Variants in CACNA2D3 observed in about 807,000 individuals in gnomAD.
The protein encoded by CACNA2D3 is voltage-dependent calcium channel subunit alpha-2/delta-3.
In CACNA2D3, 60 loss-of-function variants were observed where a neutral mutation model predicts 160.6. The ratio of observed to expected loss-of-function variants is 0.37; its 90% CI spans 0.30 to 0.46. CACNA2D3 has a LOEUF of 0.46. Ranked by LOEUF, CACNA2D3 falls within the 20% of genes least tolerant of loss-of-function variation. CACNA2D3 has a pLI of 1.00. For synonymous variants in CACNA2D3, 558 were observed against 492.9 expected (o/e 1.13, Z -1.75); for missense variants, 1,205 against 1,365.0 (o/e 0.88, Z 1.85).
intron 35 of CACNA2D3, among the ~76,000 whole-genome samples, chr3:55,031,255 C>A (rs529365273): frequency 1.3e-5 from 2 of 152,182 alleles, no homozygotes; most frequent in African/African-American, 2.4e-5. Flanking sequence ...CCTCAAAGAG[C>A]AGTCTGTGTT....
intron 11 of CACNA2D3, among the ~76,000 whole-genome samples, chr3:54,717,580 G>A (rs531599587): frequency 6.8e-6 from 1 of 146,780 alleles, no homozygotes; most frequent in Non-Finnish European, 1.5e-5. Flanking sequence ...GTGTGTATGT[G>A]TGCGTGTGTG....
intron 11 of CACNA2D3, among the ~76,000 whole-genome samples, chr3:54,649,613 T>A (rs902682091): frequency 6.6e-6 from 1 of 152,208 alleles, no homozygotes; most frequent in Non-Finnish European, 1.5e-5. Flanking sequence ...AACTGCTGCC[T>A]TCTCTTGGTA....
At chr3:54,781,064 G>A (rs1349916848) in intron 13 of CACNA2D3, among the ~76,000 whole-genome samples, 5 of 152,316 alleles carry the variant, frequency 3.3e-5, no homozygotes, top group African/African-American at 1.2e-4. Flanking sequence ...TTAAACATAA[G>A]TTATTTAAGG....
At chr3:54,252,100 GTTTT>G (rs548233026) in intron 2 of CACNA2D3, among the ~76,000 whole-genome samples, 1 of 121,014 alleles carries the variant, frequency 8.3e-6, no homozygotes, top group African/African-American at 3.4e-5. Flanking sequence ...TGCAGAGCTA[GTTTT>G]TTTTTTTTTT....
chr3:54,195,709 T>C (rs374031328), intron 2 of CACNA2D3, among the ~76,000 whole-genome samples: 19 of 152,066 alleles, frequency 1.2e-4, no homozygotes, highest in Admixed American at 1.0e-3. Flanking sequence ...CTTTGGACTT[T>C]TGTGGTGCAG....
At chr3:54,236,759 A>T (rs1701885979) in intron 2 of CACNA2D3, among the ~76,000 whole-genome samples, 1 of 152,188 alleles carries the variant, frequency 6.6e-6, no homozygotes, top group Admixed American at 6.5e-5. Flanking sequence ...TGGTCAAGCC[A>T]TGCTGCCCTG....
intron 27 of CACNA2D3, among the ~76,000 whole-genome samples, chr3:54,961,280 C>T (rs1299333458): frequency 6.6e-6 from 1 of 152,114 alleles, no homozygotes; most frequent in Non-Finnish European, 1.5e-5. Flanking sequence ...TGTAAAAATA[C>T]CCAGTGCCCT....
intron 11 of CACNA2D3, among the ~76,000 whole-genome samples, chr3:54,707,277 G>T (rs1400041498): frequency 6.6e-6 from 1 of 152,198 alleles, no homozygotes; most frequent in Non-Finnish European, 1.5e-5. Context: ...GCATTTTGGA[G>T]GTCAGAAGAA....
rs1482717010 is a variant in CACNA2D3, at chr3:54,869,471, A to C, written c.1627-2068A>C. On this transcript the variant is annotated intron_variant, in intron 17 of 37. Transcript: ENST00000474759. ...TGCACTTAGTAGTAGGTATACAATA[A>C]ATGTGCATTGAATAAATGAATAAAG... 2.0e-5 allele frequency among the ~76,000 whole-genome samples: 3 copies of C among 152,350 alleles called. No individual in the cohort carries two copies. The East Asian group carries it at 5.8e-4, about 29-fold the overall frequency.
chr3:54,999,638 G>A (rs1394334173), intron 31 of CACNA2D3, among the ~76,000 whole-genome samples: 1 of 152,120 alleles, frequency 6.6e-6, no homozygotes, highest in Non-Finnish European at 1.5e-5. Context: ...AATCATTACA[G>A]GAAAATTACC....
chr3:54,771,133 G>A (rs1003335835), intron 13 of CACNA2D3, among the ~76,000 whole-genome samples: 7 of 152,136 alleles, frequency 4.6e-5, no homozygotes, highest in Non-Finnish European at 8.8e-5. Context: ...TCGGGCAGCT[G>A]TGTACTCCAA....
intron 11 of CACNA2D3, among the ~76,000 whole-genome samples, chr3:54,728,110 T>C (rs1701312281): frequency 6.6e-6 from 1 of 152,240 alleles, no homozygotes; most frequent in Non-Finnish European, 1.5e-5. Flanking sequence ...TCTTCTTGAA[T>C]CTATGGCCGG....
chr3:54,282,537 G>C (rs1000738334), intron 2 of CACNA2D3, among the ~76,000 whole-genome samples: 1 of 152,180 alleles, frequency 6.6e-6, no homozygotes, highest in African/African-American at 2.4e-5. Flanking sequence ...AAACTTAGAA[G>C]TCTTCATGTT....
intron 11 of CACNA2D3, among the ~76,000 whole-genome samples, chr3:54,675,213 G>C (rs1408773715): frequency 1.3e-5 from 2 of 152,160 alleles, no homozygotes; most frequent in Non-Finnish European, 2.9e-5. Flanking sequence ...CACTTGATAG[G>C]AATGGAGGAA....
At chr3:54,165,552 C>T (rs1559868837) in intron 2 of CACNA2D3, among the ~76,000 whole-genome samples, 1 of 147,680 alleles carries the variant, frequency 6.8e-6, no homozygotes, top group African/African-American at 2.5e-5. Context: ...AGGCTGGGCA[C>T]AGTGGCTCAT....
intron 2 of CACNA2D3, among the ~76,000 whole-genome samples, chr3:54,300,541 A>G (rs1192298786): frequency 6.6e-6 from 1 of 152,208 alleles, no homozygotes; most frequent in African/African-American, 2.4e-5. Context: ...AATCCGGTCC[A>G]TTGTTCATCT....
chr3:54,453,167 A>AT (rs891827418), intron 4 of CACNA2D3, among the ~76,000 whole-genome samples: 31 of 151,844 alleles, frequency 2.0e-4, no homozygotes, highest in Non-Finnish European at 4.4e-4. Flanking sequence ...AATTTTTTGT[A>AT]TTTTTTGTAC....
chr3:54,957,448 C>T (rs1021274091), intron 27 of CACNA2D3, among the ~76,000 whole-genome samples: 1,856 of 152,288 alleles, frequency 0.012, 35 homozygotes, highest in African/African-American at 0.042. Context: ...CACACCCAAC[C>T]ATAAAATAAT....
chr3:55,074,186 T>TTGATGCTCTTCTCA lies in CACNA2D3; in HGVS notation c.3257_3270dup (p.Arg1091Ter). On this transcript the variant is annotated frameshift_variant, in exon 38 of 38. Coordinates refer to ENST00000474759, the MANE Select transcript of CACNA2D3 (RefSeq NM_018398.3). LOFTEE classifies it high-confidence loss of function. Reference sequence around the variant, plus strand: ...AGTCCTCCTTCTGCTCCCTCTGCTTTTGATGCTCTTCTCAAGGTGACACTG... The same window carrying TTGATGCTCTTCTCA: ...AGTCCTCCTTCTGCTCCCTCTGCTTTTGATGCTCTTCTCATGATGCTCTTCTCAAGGTGACACTG... The TTGATGCTCTTCTCA allele has an allele frequency of 6.2e-7, 1 of 1,613,804 alleles. No homozygotes were observed. The highest frequency in any genetic ancestry group is 2.2e-5 in the East Asian group (1 of 44,878).
Sources: gnomAD v4.1 joint callset for allele counts (sites outside exome capture counted in the v4.1 genomes callset) on GRCh38, gnomAD v4.1.1 for gene constraint, MANE v1.5 for transcripts, NCBI Gene and HGNC (gene_info 2026-07-23, HGNC 2026-07-21) for gene names.